GLRA2: variants seen among roughly 807,000 people sequenced by gnomAD.
The protein encoded by GLRA2 is glycine receptor subunit alpha-2.
A neutral mutation model predicts 31.6 loss-of-function variants in GLRA2; 11 were observed. The observed-to-expected ratio is 0.35, with a 90% CI of 0.22 to 0.58. The LOEUF (loss-of-function observed/expected upper bound fraction) is 0.58, where lower values mean the gene tolerates loss of function less well. Among genes scored for constraint, GLRA2 ranks in the 20% least tolerant of loss-of-function variants. The pLI is 0.84. For missense variants in GLRA2, 212 were observed against 351.8 expected (o/e 0.60, Z 3.18); for synonymous variants, 132 against 134.0 (o/e 0.99, Z 0.10).
At chrX:14,521,508 C>T in the GLRA2 span, among the ~76,000 whole-genome samples, 44 of 111,701 alleles carry the variant, frequency 3.9e-4, no homozygotes, top group African/African-American at 1.3e-3. Context: ...GAGAATTACA[C>T]CATTTGCTTC....
At chrX:14,557,176 C>T (rs1237395048) in intron 2 of GLRA2, among the ~76,000 whole-genome samples, 2 of 83,093 alleles carry the variant, frequency 2.4e-5, no homozygotes, top group African/African-American at 4.9e-5. Context: ...AGTGCAGTGG[C>T]GCGATCTCGG....
intron 4 of GLRA2, among the ~76,000 whole-genome samples, chrX:14,587,599 G>C (rs1385579926): frequency 8.9e-6 from 1 of 111,998 alleles, no homozygotes; most frequent in East Asian, 2.8e-4. Context: ...TTTGAGAAGT[G>C]TCTGTTCATG....
chrX:14,548,689 A>C (rs1016234273), intron 2 of GLRA2, among the ~76,000 whole-genome samples: 2 of 111,921 alleles, frequency 1.8e-5, no homozygotes, highest in African/African-American at 6.5e-5. Flanking sequence ...TCCAAATAGA[A>C]TCCCTGGCCT....
chrX:14,506,428 A>C, the GLRA2 span, among the ~76,000 whole-genome samples: 2 of 109,316 alleles, frequency 1.8e-5, no homozygotes, highest in African/African-American at 6.7e-5. Flanking sequence ...CTGCATTTGG[A>C]CTCCCTTTGC....
the GLRA2 span, among the ~76,000 whole-genome samples, chrX:14,490,487 A>T: frequency 8.9e-6 from 1 of 112,539 alleles, no homozygotes; most frequent in African/African-American, 3.2e-5. Flanking sequence ...TTTTCCTTAA[A>T]GTTGGAACAG....
chrX:14,571,767 A>AGGC, intron 2 of GLRA2, among the ~76,000 whole-genome samples: 1 of 63,788 alleles, frequency 1.6e-5, no homozygotes, highest in Non-Finnish European at 3.2e-5. Flanking sequence ...ATGAACCTTG[A>AGGC]ACCAAAAAAA....
In GLRA2 at chrX:14,688,061, G is replaced by GT. The variant is rs2091299505; in HGVS notation, c.931-2648dup. Among the ~76,000 whole-genome samples, 8 of 112,118 alleles carry GT rather than the reference G, an allele frequency of 7.1e-5. No individual in the cohort carries two copies. The South Asian group carries it at 3.0e-3, about 42-fold the overall frequency. ...GCAGGTCTGTTGGAGTTTGCTGGAG[G>GT]TCCACTCCAGATCCTGTTTGCCTGG... is the stretch of plus-strand genomic sequence containing the variant. On this transcript the variant is annotated intron_variant, in intron 7 of 8. Transcript: ENST00000218075.
chrX:14,540,135 T>C (rs781646206), intron 2 of GLRA2, among the ~76,000 whole-genome samples: 43 of 111,797 alleles, frequency 3.8e-4, no homozygotes, highest in South Asian at 7.4e-4. Flanking sequence ...CTCACTTAAA[T>C]AAAAACTGGA....
chrX:14,541,483 C>T (rs762490881), intron 2 of GLRA2, among the ~76,000 whole-genome samples: 7 of 111,820 alleles, frequency 6.3e-5, no homozygotes. Context: ...ACCAAACATA[C>T]ACAGAAGGTA....
the GLRA2 span, among the ~76,000 whole-genome samples, chrX:14,452,173 AT>A: frequency 9.0e-6 from 1 of 111,170 alleles, no homozygotes; most frequent in African/African-American, 3.3e-5. Context: ...CAAAGCTTAC[AT>A]TTTTTTAAAA....
At position 14,651,830 on chromosome X, in the gene GLRA2, G is replaced by T. The variant is rs1271366641; in HGVS notation, c.931-38880G>T. Among the ~76,000 whole-genome samples the T allele has an allele frequency of 2.7e-5, 3 of 111,697 alleles. No homozygotes were observed. The East Asian group carries it at 8.4e-4, about 31-fold the overall frequency. The stretch of plus-strand genomic sequence containing the variant: ...CAGATCTATTATGAAATAAATGTTT[G>T]TGTCTCACCAAGATTTCTTGTTGAA... On this transcript the variant is annotated intron_variant, in intron 7 of 8. Coordinates refer to ENST00000218075, the MANE Select transcript of GLRA2 (RefSeq NM_002063.4).
chrX:14,602,205 AATGGTGGAAATGAG>A (rs1417235185), intron 4 of GLRA2, among the ~76,000 whole-genome samples: 3 of 111,117 alleles, frequency 2.7e-5, no homozygotes, highest in Non-Finnish European at 5.7e-5. Context: ...TAAAAAGGGA[AATGGTGGAAATGAG>A]ATGGTAGCTC....
At chrX:14,616,744 G>A (rs5935785) in intron 7 of GLRA2, among the ~76,000 whole-genome samples, 27,971 of 111,070 alleles carry the variant, frequency 0.25, 2,595 homozygotes, top group Non-Finnish European at 0.28. Flanking sequence ...TAATTTAAAC[G>A]ACTTTCCCAG....
chrX:14,583,313 T>C (rs773095175), intron 4 of GLRA2, among the ~76,000 whole-genome samples: 1 of 112,770 alleles, frequency 8.9e-6, no homozygotes, highest in African/African-American at 3.2e-5. Flanking sequence ...CATTATTGGA[T>C]ATATACCCAA....
chrX:14,622,210 T>G (rs888105122), intron 7 of GLRA2, among the ~76,000 whole-genome samples: 3 of 112,108 alleles, frequency 2.7e-5, no homozygotes, highest in Non-Finnish European at 3.8e-5. Flanking sequence ...ATGGGGTTGT[T>G]TGATTTTTTT....
the GLRA2 span, among the ~76,000 whole-genome samples, chrX:14,458,681 T>A: frequency 4.5e-5 from 5 of 112,283 alleles, no homozygotes; most frequent in Non-Finnish European, 9.4e-5. Flanking sequence ...TTTTGAGAAG[T>A]GTCTGTTCAT....
At chrX:14,518,878 G>T in the GLRA2 span, among the ~76,000 whole-genome samples, 2 of 106,509 alleles carry the variant, frequency 1.9e-5, no homozygotes, top group East Asian at 5.9e-4. Context: ...CAGGTGTGGT[G>T]GTGGGTGCCT....
intron 7 of GLRA2, among the ~76,000 whole-genome samples, chrX:14,677,073 A>G (rs2091153138): frequency 1.8e-5 from 2 of 111,932 alleles, no homozygotes; most frequent in Non-Finnish European, 3.8e-5. Flanking sequence ...TTTGCAAACT[A>G]CATAAGTTAT....
At chrX:14,553,420 T>G (rs1237770759) in intron 2 of GLRA2, among the ~76,000 whole-genome samples, 1 of 111,877 alleles carries the variant, frequency 8.9e-6, no homozygotes, top group Non-Finnish European at 1.9e-5. Flanking sequence ...CATGCACAAT[T>G]TGTTGCCTCC....
Sources: gnomAD v4.1 joint callset for allele counts (sites outside exome capture counted in the v4.1 genomes callset) on GRCh38, gnomAD v4.1.1 for gene constraint, MANE v1.5 for transcripts, NCBI Gene and HGNC (gene_info 2026-07-23, HGNC 2026-07-21) for gene names.